Variants in TNFSF11 observed in about 807,000 individuals in gnomAD.
The protein encoded by TNFSF11 is tumor necrosis factor ligand superfamily member 11.
A neutral mutation model predicts 32.2 loss-of-function variants in TNFSF11; 12 were observed. That is an observed-to-expected ratio of 0.37 (90% CI 0.24 to 0.60). The LOEUF (loss-of-function observed/expected upper bound fraction) is 0.60, where lower values mean the gene tolerates loss of function less well. Among genes scored for constraint, TNFSF11 ranks in the 20% least tolerant of loss-of-function variants. The pLI is 0.66. For missense variants in TNFSF11, 345 were observed against 398.0 expected (o/e 0.87, Z 1.13); for synonymous variants, 172 against 152.1 (o/e 1.13, Z -0.96).
intron 2 of TNFSF11, among the ~76,000 whole-genome samples, chr13:42,588,512 A>C (rs1874008877): frequency 6.6e-6 from 1 of 152,182 alleles, no homozygotes. Context: ...AAGTGGATGA[A>C]ACTGAGGGTC....
intron 2 of TNFSF11, among the ~76,000 whole-genome samples, chr13:42,588,508 A>G (rs898268628): frequency 6.6e-6 from 1 of 152,242 alleles, no homozygotes; most frequent in African/African-American, 2.4e-5. Flanking sequence ...CCAGAAGTGG[A>G]TGAAACTGAG....
intron 1 of TNFSF11, among the ~76,000 whole-genome samples, chr13:42,575,271 G>C (rs1873255575): frequency 6.6e-6 from 1 of 152,206 alleles, no homozygotes. Flanking sequence ...ACCAACCTTC[G>C]GAAAGATGAA....
chr13:42,566,783 A>C (rs1021714539), intron 2 of TNFSF11: 1 of 152,128 alleles, frequency 6.6e-6, no homozygotes, highest in African/African-American at 2.4e-5. Flanking sequence ...ACTTGAGGTA[A>C]GGAGTTCAAG....
At chr13:42,570,961 T>C (rs1267950471), upstream of TNFSF11, among the ~76,000 whole-genome samples, 1 of 152,230 alleles carries the variant, frequency 6.6e-6, no homozygotes, top group African/African-American at 2.4e-5. Flanking sequence ...AATCACGGTT[T>C]TGTTAGTGAT....
upstream of TNFSF11, among the ~76,000 whole-genome samples, chr13:42,572,664 T>C (rs1427195617): frequency 1.3e-5 from 2 of 152,242 alleles, no homozygotes; most frequent in African/African-American, 2.4e-5. Context: ...GATACACATA[T>C]AAATGCTAAA....
At chr13:42,588,006 C>T (rs551923018) in intron 2 of TNFSF11, among the ~76,000 whole-genome samples, 4 of 152,222 alleles carry the variant, frequency 2.6e-5, no homozygotes, top group South Asian at 2.1e-4. Flanking sequence ...AGTATGTGTC[C>T]GAAGAAAGTT....
At chr13:42,594,636 C>A (rs1476780017) in intron 2 of TNFSF11, among the ~76,000 whole-genome samples, 2 of 152,196 alleles carry the variant, frequency 1.3e-5, no homozygotes, top group African/African-American at 4.8e-5. Flanking sequence ...AGTACCATCT[C>A]TCCTGAGTGG....
intron 2 of TNFSF11, among the ~76,000 whole-genome samples, chr13:42,567,388 G>A (rs990988755): frequency 6.6e-6 from 1 of 152,166 alleles, no homozygotes; most frequent in African/African-American, 2.4e-5. Flanking sequence ...TTCTAGCATT[G>A]TGCACAGAAG....
chr13:42,573,122 G>GA (rs1227527038), upstream of TNFSF11, among the ~76,000 whole-genome samples: 2 of 148,954 alleles, frequency 1.3e-5, no homozygotes, highest in African/African-American at 4.9e-5. Context: ...ATGATCACAA[G>GA]AAAAAAAGTC....
intron 1 of TNFSF11, among the ~76,000 whole-genome samples, chr13:42,579,826 A>G (rs1418021974): frequency 6.8e-6 from 1 of 147,002 alleles, no homozygotes; most frequent in East Asian, 2.0e-4. Flanking sequence ...CAGATTGTAC[A>G]CAGTTTTGCT....
chr13:42,577,585 CA>C (rs1447391372), intron 1 of TNFSF11, among the ~76,000 whole-genome samples: 1 of 152,122 alleles, frequency 6.6e-6, no homozygotes. Flanking sequence ...TAACCATATT[CA>C]AAGCTTAGGG....
intron 1 of TNFSF11, among the ~76,000 whole-genome samples, chr13:42,565,912 GA>G (rs750919342): frequency 4.6e-5 from 7 of 152,242 alleles, no homozygotes; most frequent in Admixed American, 2.6e-4. Flanking sequence ...AAGAAGGAAG[GA>G]AAAAGCACTC....
intron 2 of TNFSF11, among the ~76,000 whole-genome samples, chr13:42,568,189 T>C (rs1274727483): frequency 6.6e-6 from 1 of 152,250 alleles, no homozygotes; most frequent in Non-Finnish European, 1.5e-5. Flanking sequence ...TTGCTTATCA[T>C]GCATGCTTAC....
chr13:42,600,003 C>T (rs917218068), intron 2 of TNFSF11, among the ~76,000 whole-genome samples: 4 of 152,232 alleles, frequency 2.6e-5, no homozygotes, highest in African/African-American at 9.6e-5. Context: ...CTTTCATCCC[C>T]TCCACCTTAC....
intron 1 of TNFSF11, 55 bp downstream of exon 1, chr13:42,574,577 C>T (rs1232866100): frequency 6.4e-7 from 1 of 1,573,242 alleles, no homozygotes; most frequent in Non-Finnish European, 8.6e-7. Flanking sequence ...CTCCTTCCCC[C>T]GCACTTGGAA....
chr13:42,595,058 T>TA (rs1294005492), intron 2 of TNFSF11, among the ~76,000 whole-genome samples: 1 of 152,192 alleles, frequency 6.6e-6, no homozygotes, highest in Non-Finnish European at 1.5e-5. Flanking sequence ...GAGAAGATTT[T>TA]AAAAAAATAT....
At chr13:42,597,115 G>T (rs1304468347) in intron 2 of TNFSF11, among the ~76,000 whole-genome samples, 1 of 152,194 alleles carries the variant, frequency 6.6e-6, no homozygotes, top group Non-Finnish European at 1.5e-5. Context: ...AATGGTTTTA[G>T]AGCTCAAAAA....
At chr13:42,588,354 G>A (rs1873999116) in intron 2 of TNFSF11, among the ~76,000 whole-genome samples, 1 of 152,128 alleles carries the variant, frequency 6.6e-6, no homozygotes, top group Non-Finnish European at 1.5e-5. Flanking sequence ...AGTTATGTCA[G>A]AGGTGGGCTT....
chr13:42,603,522 C>T (rs1869287523), intron 4 of TNFSF11, among the ~76,000 whole-genome samples: 1 of 152,156 alleles, frequency 6.6e-6, no homozygotes, highest in African/African-American at 2.4e-5. Context: ...ACTGGCTCTC[C>T]TCCTTTTCCC....
Sources: allele counts gnomAD v4.1 joint callset (sites outside exome capture counted in the v4.1 genomes callset), GRCh38; gene constraint gnomAD v4.1.1; transcripts MANE v1.5; gene names NCBI Gene and HGNC (gene_info 2026-07-23, HGNC 2026-07-21).